The following PRKAR1B variants were observed in gnomAD, a reference collection of about 807,000 sequenced individuals.
PRKAR1B encodes the protein cAMP-dependent protein kinase type I-beta regulatory subunit.
Under a neutral mutation model 46.5 loss-of-function variants are expected in PRKAR1B, and 22 were observed. The observed-to-expected ratio is 0.47, with a 90% CI of 0.34 to 0.68. The LOEUF (loss-of-function observed/expected upper bound fraction) is 0.68. PRKAR1B is among the 30% of genes least tolerant of loss of function. The pLI is 0.01. For synonymous variants in PRKAR1B, 259 were observed against 217.7 expected, an observed-to-expected ratio of 1.19 and a Z score of -1.67; for missense variants, 445 against 535.6, an observed-to-expected ratio of 0.83 and a Z score of 1.67.
At chr7:649,687 C>T (rs1166641886) in intron 4 of PRKAR1B, among the ~76,000 whole-genome samples, 1 of 152,104 alleles carries the variant, frequency 6.6e-6, no homozygotes, top group Non-Finnish European at 1.5e-5. Context: ...GCGATCCTCC[C>T]ATCTCAGCCT....
intron 2 of PRKAR1B, among the ~76,000 whole-genome samples, chr7:701,915 C>T (rs1176616241): frequency 2.0e-5 from 3 of 152,196 alleles, no homozygotes; most frequent in African/African-American, 4.8e-5. Context: ...GAAAGAAAAA[C>T]ACTTCAGGAA....
chr7:694,101 G>A lies in PRKAR1B; in HGVS notation c.178-13375C>T, dbSNP rs1454697511. Among the ~76,000 whole-genome samples the A allele has an allele frequency of 5.3e-5, 8 of 152,146 alleles. No homozygotes were observed. The Middle Eastern group carries it at 0.01, about 195-fold the overall frequency. ...AGATGGAGACCATCCTGGCTAACACGGTAAAACCCTGTCTCTACTAAAAAT... is the reference window on the plus strand; with the variant it reads ...AGATGGAGACCATCCTGGCTAACACAGTAAAACCCTGTCTCTACTAAAAAT... On this transcript the variant is annotated intron_variant, in intron 2 of 10. Coordinates refer to ENST00000537384, the MANE Select transcript of PRKAR1B (RefSeq NM_001164760.2).
intron 2 of PRKAR1B, among the ~76,000 whole-genome samples, chr7:693,243 T>C (rs965550471): frequency 6.6e-6 from 1 of 151,566 alleles, no homozygotes; most frequent in African/African-American, 2.4e-5. Context: ...TCGAGCTTTT[T>C]TTTTTTTTTT....
chr7:728,667 C>T (rs762093846), upstream of PRKAR1B, among the ~76,000 whole-genome samples: 9 of 152,224 alleles, frequency 5.9e-5, no homozygotes, highest in Non-Finnish European at 2.9e-5. Context: ...CCACGAGCTC[C>T]CTCCCTGGAC....
chr7:728,576 C>G (rs1241001709), upstream of PRKAR1B, among the ~76,000 whole-genome samples: 2 of 152,212 alleles, frequency 1.3e-5, no homozygotes, highest in African/African-American at 4.8e-5. Context: ...GCTGGATGGA[C>G]ATGGCCATTG....
At position 549,937 on chromosome 7, in the gene PRKAR1B, TTGA is replaced by T. The variant is rs1784072900; in HGVS notation, c.*490_*492del. ...GGGGTACACATTTGCGGGAGGGGCC[TTGA>T]CTTCTTCGGCCTCAACTCCCTGCTC... On this transcript the variant is annotated 3_prime_UTR_variant, in exon 11 of 11. Transcript: ENST00000537384. The T allele has an allele frequency of 6.6e-6, 1 of 151,228 alleles. No homozygotes were observed. The highest frequency in any genetic ancestry group is 2.7e-5 in the African/African-American group (1 of 37,426). 9.4% of individuals were successfully genotyped at this position (151,228 alleles called of 1,614,324 possible). A position where few individuals can be genotyped will look rare whatever the true frequency, so the allele number is the denominator to read the frequency against.
chr7:691,827 G>A (rs1340255294), intron 2 of PRKAR1B: 22 of 1,181,790 alleles, frequency 1.9e-5, no homozygotes, highest in Non-Finnish European at 2.3e-5. Flanking sequence ...TCCCTGCCAA[G>A]TAAACACCTC....
chr7:711,583 G>T, intron 1 of PRKAR1B, 56 bp from the exon 2 acceptor site: 6 of 1,496,420 alleles, frequency 4.0e-6, no homozygotes, highest in Non-Finnish European at 3.6e-6. Flanking sequence ...GCTGCGCGCC[G>T]GATAAACGCA....
At chr7:583,618 GCA>G (rs567501384) in intron 8 of PRKAR1B, among the ~76,000 whole-genome samples, 27 of 76,368 alleles carry the variant, frequency 3.5e-4, no homozygotes, top group African/African-American at 9.1e-4. Flanking sequence ...CCTCACACGT[GCA>G]CACTCAAACC....
chr7:648,160 A>C (rs992864156), intron 4 of PRKAR1B, among the ~76,000 whole-genome samples: 6 of 152,076 alleles, frequency 3.9e-5, no homozygotes, highest in African/African-American at 1.2e-4. Context: ...ATTAAAAAAA[A>C]AAAAATCTTA....
intron 2 of PRKAR1B, among the ~76,000 whole-genome samples, chr7:704,393 C>A (rs1386736749): frequency 6.6e-6 from 1 of 152,174 alleles, no homozygotes; most frequent in Non-Finnish European, 1.5e-5. Context: ...TGAAATAATA[C>A]AAACACTACA....
chr7:655,101 C>T (rs1323052211), intron 4 of PRKAR1B, among the ~76,000 whole-genome samples: 1 of 152,220 alleles, frequency 6.6e-6, no homozygotes, highest in South Asian at 2.1e-4. Flanking sequence ...GGGTTTTCCA[C>T]TTCTGCCCTT....
At chr7:559,118 C>T (rs1402966399) in intron 9 of PRKAR1B, among the ~76,000 whole-genome samples, 1 of 152,234 alleles carries the variant, frequency 6.6e-6, no homozygotes, top group African/African-American at 2.4e-5. Flanking sequence ...GCTAGGACTA[C>T]GGCCGTGAAC....
chr7:579,159 C>T, intron 9 of PRKAR1B, 97 bp downstream of exon 9: 1 of 1,602,610 alleles, frequency 6.2e-7, no homozygotes, highest in Non-Finnish European at 8.5e-7. Flanking sequence ...GCACTGACTC[C>T]AGAGGGAGGG....
intron 2 of PRKAR1B, among the ~76,000 whole-genome samples, chr7:691,323 A>G (rs1291411059): frequency 6.6e-6 from 1 of 152,170 alleles, no homozygotes; most frequent in Non-Finnish European, 1.5e-5. Flanking sequence ...TGATGGGGAA[A>G]CTCGGCCAGG....
chr7:642,209 T>C (rs1784424836), intron 4 of PRKAR1B, among the ~76,000 whole-genome samples: 1 of 152,110 alleles, frequency 6.6e-6, no homozygotes, highest in Admixed American at 6.6e-5. Context: ...TCCGTTTATT[T>C]CAAATGTCCA....
At chr7:639,409 C>T (rs769115075) in intron 4 of PRKAR1B, among the ~76,000 whole-genome samples, 2 of 151,940 alleles carry the variant, frequency 1.3e-5, no homozygotes, top group African/African-American at 2.4e-5. Flanking sequence ...GACACTTACT[C>T]ACTCCTCACA....
chr7:721,878 T>A (rs1263599410), intron 1 of PRKAR1B, among the ~76,000 whole-genome samples: 1 of 152,132 alleles, frequency 6.6e-6, no homozygotes, highest in African/African-American at 2.4e-5. Flanking sequence ...TGGTTTTGGT[T>A]AAGAAATCTG....
chr7:710,933 C>T (rs1330844118), intron 2 of PRKAR1B, among the ~76,000 whole-genome samples: 2 of 152,122 alleles, frequency 1.3e-5, no homozygotes, highest in Non-Finnish European at 2.9e-5. Flanking sequence ...TGTGAGCTAC[C>T]CCGTGGGAGC....
Sources: allele counts gnomAD v4.1 joint callset (sites outside exome capture counted in the v4.1 genomes callset), GRCh38; gene constraint gnomAD v4.1.1; transcripts MANE v1.5; gene names NCBI Gene and HGNC (gene_info 2026-07-23, HGNC 2026-07-21).